MPP7: variants seen among roughly 807,000 people sequenced by gnomAD.
The protein encoded by MPP7 is MAGUK p55 scaffold protein 7.
MPP7 carries 60 observed loss-of-function variants against 76.5 expected under a neutral mutation model. That is an observed-to-expected ratio of 0.78 (90% CI 0.64 to 0.97). The LOEUF (loss-of-function observed/expected upper bound fraction) is 0.97. MPP7 is among the 50% of genes least tolerant of loss of function. The pLI, the probability that MPP7 is intolerant of heterozygous loss-of-function variation, is 0.00. For synonymous variants in MPP7, 237 were observed against 244.5 expected, an observed-to-expected ratio of 0.97 and a Z score of 0.29; for missense variants, 641 against 694.0, an observed-to-expected ratio of 0.92 and a Z score of 0.86.
intron 2 of MPP7, among the ~76,000 whole-genome samples, chr10:28,311,433 TA>T (rs754071556): frequency 6.6e-6 from 1 of 152,182 alleles, no homozygotes; most frequent in Non-Finnish European, 1.5e-5. Flanking sequence ...TGTGTTACAG[TA>T]ACATAGTCAA....
chr10:28,125,326 T>G (rs539900614), intron 6 of MPP7, among the ~76,000 whole-genome samples: 46 of 152,304 alleles, frequency 3.0e-4, no homozygotes, highest in African/African-American at 9.9e-4. Context: ...AATTTAAGGA[T>G]TTTTGAAATC....
chr10:28,240,568 T>A (rs1839234765), intron 1 of MPP7, among the ~76,000 whole-genome samples: 1 of 152,126 alleles, frequency 6.6e-6, no homozygotes, highest in Non-Finnish European at 1.5e-5. Flanking sequence ...ATAAGAATTG[T>A]TATTTGAAAT....
chr10:28,207,227 T>TGG (rs1837977196), intron 2 of MPP7, among the ~76,000 whole-genome samples: 1 of 152,124 alleles, frequency 6.6e-6, no homozygotes, highest in Non-Finnish European at 1.5e-5. Context: ...TTCAATAAAA[T>TGG]TATTTCATAA....
chr10:28,055,130 G>A (rs573912342), intron 16 of MPP7, among the ~76,000 whole-genome samples: 2 of 152,298 alleles, frequency 1.3e-5, no homozygotes, highest in African/African-American at 2.4e-5. Context: ...TATCTTCGTT[G>A]AGAAACCTTT....
chr10:28,271,985 CA>C (rs376259939), intron 1 of MPP7, among the ~76,000 whole-genome samples: 1 of 151,552 alleles, frequency 6.6e-6, no homozygotes, highest in South Asian at 2.1e-4. Context: ...AAAAAACAAA[CA>C]AAAAAAAGAT....
chr10:28,236,292 A>G (rs901197219), intron 2 of MPP7, among the ~76,000 whole-genome samples: 1 of 152,210 alleles, frequency 6.6e-6, no homozygotes, highest in Admixed American at 6.5e-5. Flanking sequence ...ATGGAAAAGT[A>G]TACATTAGTT....
chr10:28,216,846 T>G (rs750973749), intron 2 of MPP7, among the ~76,000 whole-genome samples: 3 of 152,162 alleles, frequency 2.0e-5, no homozygotes, highest in Non-Finnish European at 4.4e-5. Context: ...ATGTTGTTAG[T>G]ATTAAGCATT....
intron 5 of MPP7, among the ~76,000 whole-genome samples, chr10:28,144,521 G>T (rs979234962): frequency 6.6e-6 from 1 of 152,064 alleles, no homozygotes; most frequent in African/African-American, 2.4e-5. Context: ...GCCACTGTTC[G>T]CCCGTTCTGA....
chr10:28,314,137 A>T (rs1001989150), intron 2 of MPP7, among the ~76,000 whole-genome samples: 1 of 152,172 alleles, frequency 6.6e-6, no homozygotes, highest in East Asian at 1.9e-4. Context: ...ATGCATTACG[A>T]TACTTCATCT....
chr10:28,309,824 A>AC (rs1350507851), intron 2 of MPP7, among the ~76,000 whole-genome samples: 1 of 151,372 alleles, frequency 6.6e-6, no homozygotes, highest in African/African-American at 2.4e-5. Flanking sequence ...AGTGTGTGGC[A>AC]CATCCCCTCC....
rs915635099 is a variant in MPP7 at position 28,238,699 on chromosome 10, G to A, written c.-95C>T. 2.2e-5 allele frequency: 27 copies of A among 1,212,736 alleles called. No individual in the cohort carries two copies. The highest frequency in any genetic ancestry group is 1.2e-4 in the East Asian group (5 of 43,032). 75.1% of individuals were successfully genotyped at this position (1,212,736 alleles called of 1,614,324 possible). On this transcript the variant is annotated 5_prime_UTR_variant, in exon 2 of 17. It adds an upstream start codon to the 5' untranslated region. Coordinates refer to ENST00000683449, the MANE Select transcript of MPP7 (RefSeq NM_001318170.2). ...TTCCAATTCAACAGCCTGCAGCCAC[G>A]TTGTCTACCAAGATCTGTATATTTT...
At chr10:28,070,776 T>A (rs1852207795) in intron 12 of MPP7, among the ~76,000 whole-genome samples, 1 of 152,156 alleles carries the variant, frequency 6.6e-6, no homozygotes, top group South Asian at 2.1e-4. Flanking sequence ...TTGACTCTGA[T>A]CTTAAAGGAA....
chr10:28,115,922 T>C (rs984586448), intron 11 of MPP7, among the ~76,000 whole-genome samples: 4 of 152,300 alleles, frequency 2.6e-5, no homozygotes, highest in African/African-American at 9.6e-5. Flanking sequence ...GGTTGAAAAA[T>C]TGTACATTCT....
intron 1 of MPP7, among the ~76,000 whole-genome samples, chr10:28,248,935 C>T (rs1390769914): frequency 6.6e-6 from 1 of 152,120 alleles, no homozygotes; most frequent in Non-Finnish European, 1.5e-5. Flanking sequence ...CAGAACGTCT[C>T]CCTGTCGTTA....
chr10:28,139,660 A>C (rs1204972197), intron 5 of MPP7, among the ~76,000 whole-genome samples: 2 of 152,212 alleles, frequency 1.3e-5, no homozygotes, highest in East Asian at 3.8e-4. Flanking sequence ...ACAATGATTA[A>C]AGAGATAATA....
At chr10:28,326,034 T>C (rs1452116598) in intron 2 of MPP7, among the ~76,000 whole-genome samples, 1 of 151,350 alleles carries the variant, frequency 6.6e-6, no homozygotes, top group African/African-American at 2.4e-5. Flanking sequence ...AGTAATTAAG[T>C]TAACTTTATA....
chr10:28,148,465 T>C (rs1295293386), intron 4 of MPP7, among the ~76,000 whole-genome samples: 2 of 152,312 alleles, frequency 1.3e-5, no homozygotes, highest in East Asian at 3.9e-4. Context: ...GAAATTTCCA[T>C]TTGCCCCTAC....
At chr10:28,192,288 C>T (rs1004968477) in intron 3 of MPP7, among the ~76,000 whole-genome samples, 8 of 152,044 alleles carry the variant, frequency 5.3e-5, no homozygotes, top group African/African-American at 1.7e-4. Context: ...CTAGCTAATG[C>T]TATAAGACAA....
At chr10:28,211,164 T>C (rs1277288876) in intron 2 of MPP7, among the ~76,000 whole-genome samples, 1 of 152,016 alleles carries the variant, frequency 6.6e-6, no homozygotes, top group African/African-American at 2.4e-5. Flanking sequence ...AGTGGCACGG[T>C]CACAGCTCAC....
Sources: gnomAD v4.1 joint callset for allele counts (sites outside exome capture counted in the v4.1 genomes callset) on GRCh38, gnomAD v4.1.1 for gene constraint, MANE v1.5 for transcripts, NCBI Gene and HGNC (gene_info 2026-07-23, HGNC 2026-07-21) for gene names.